ATP8A2: variants seen among roughly 807,000 people sequenced by gnomAD.
ATP8A2 encodes the protein ATPase phospholipid transporting 8A2.
ATP8A2 carries 100 observed loss-of-function variants against 165.6 expected under a neutral mutation model. That is an observed-to-expected ratio of 0.60 (90% CI 0.51 to 0.71). ATP8A2 has a LOEUF of 0.71. ATP8A2 is among the 30% of genes least tolerant of loss of function. ATP8A2 has a pLI of 0.00. For synonymous variants in ATP8A2, 543 were observed against 548.8 expected, an observed-to-expected ratio of 0.99 and a Z score of 0.15; for missense variants, 1,227 against 1,479.5, an observed-to-expected ratio of 0.83 and a Z score of 2.80.
Position 25,699,209 on chromosome 13 carries a change from C to T in ATP8A2, c.2248C>T (p.Leu750Phe). 1.2e-6 allele frequency: 2 copies of T among 1,612,136 alleles called. No homozygotes were observed. Among genetic ancestry groups the T allele is most frequent in the Non-Finnish European group, 1.7e-6 (2 of 1,178,998 alleles). Residue 750 changes from leucine (L) to phenylalanine (F), a missense_variant, in exon 25 of 37, where the codon CTT becomes TTT. By Grantham distance (22) the Leu-to-Phe change is conservative. Coordinates refer to ENST00000381655, the MANE Select transcript of ATP8A2 (RefSeq NM_016529.6). ...AGCCATTACTCAGCACTGCACTGAC[C>T]TTGGGAATTTGCTGGGCAAGGAAAA... ...RAAITQHCTD[L>F]GNLLGKENDV...
chr13:25,372,568 G>GC lies in ATP8A2; in HGVS notation c.76+280_76+281insC, dbSNP rs1491016129. 2.0e-5 allele frequency among the ~76,000 whole-genome samples: 3 copies of GC among 152,108 alleles called. No homozygotes were observed. Among genetic ancestry groups the GC allele is most frequent in the East Asian group, 3.9e-4 (2 of 5,170 alleles). The stretch of plus-strand genomic sequence containing the variant: ...TGTACAGATGTGTGTGTGTGTGTGC[G>GC]GCCTCCCTGTGCGCGTGCCCGTGCG... On this transcript the variant is annotated intron_variant, in intron 1 of 36. Transcript: ENST00000381655. This position sits in a 1 kb window ranked among gnomAD's most constrained non-coding sequence, Gnocchi z 4.8.
chr13:25,549,476 A>G (rs1230597593), intron 10 of ATP8A2, among the ~76,000 whole-genome samples: 1 of 150,410 alleles, frequency 6.6e-6, no homozygotes, highest in African/African-American at 2.4e-5. Flanking sequence ...AAAAAAAAAA[A>G]GCCTGGGCCC....
At chr13:25,421,623 C>T (rs1304362626) in intron 1 of ATP8A2, among the ~76,000 whole-genome samples, 2 of 152,198 alleles carry the variant, frequency 1.3e-5, no homozygotes, top group East Asian at 1.9e-4. Flanking sequence ...GGTGAAACAC[C>T]GTGCCTGGCC....
chr13:25,672,908 A>G (rs897001911), intron 24 of ATP8A2, among the ~76,000 whole-genome samples: 7 of 152,314 alleles, frequency 4.6e-5, no homozygotes, highest in Admixed American at 3.9e-4. Context: ...GGGAGTGGGC[A>G]GGCTTTGGTG....
chr13:25,532,184 C>A, intron 4 of ATP8A2, 88 bp from the exon 5 acceptor site: 1 of 1,047,382 alleles, frequency 9.5e-7, no homozygotes, highest in Non-Finnish European at 1.5e-6. Flanking sequence ...TCCTTGTCCC[C>A]TGTAATTTCC....
chr13:25,759,879 A>G lies in ATP8A2; in HGVS notation c.2385-9167A>G, dbSNP rs189070641. Among the ~76,000 whole-genome samples, 3 of 152,312 alleles carry G rather than the reference A, an allele frequency of 2.0e-5. No homozygotes were observed. The East Asian group carries it at 5.8e-4, about 29-fold the overall frequency. ...CTTAATACATTCCACATCATTTAGT[A>G]GAGATGTCAGGTTTTCAGAAGCTAG... is the stretch of plus-strand genomic sequence containing the variant. On this transcript the variant is annotated intron_variant, in intron 25 of 36. Coordinates refer to ENST00000381655, the MANE Select transcript of ATP8A2 (RefSeq NM_016529.6).
At chr13:25,881,225 A>G (rs1209623030) in intron 33 of ATP8A2, among the ~76,000 whole-genome samples, 3 of 152,148 alleles carry the variant, frequency 2.0e-5, no homozygotes, top group African/African-American at 7.2e-5. Flanking sequence ...TAGCAAAGCT[A>G]TACAATGTGT....
chr13:25,421,958 A>G (rs909684592), intron 1 of ATP8A2, among the ~76,000 whole-genome samples: 1 of 152,106 alleles, frequency 6.6e-6, no homozygotes, highest in African/African-American at 2.4e-5. Context: ...TTTCCATATC[A>G]TGCAGTACCT....
chr13:25,397,317 C>T (rs958912358), intron 1 of ATP8A2, among the ~76,000 whole-genome samples: 5 of 152,178 alleles, frequency 3.3e-5, no homozygotes, highest in Admixed American at 3.3e-4. Flanking sequence ...TTATCAAAAC[C>T]ATCAATATAC....
At chr13:25,675,169 A>G (rs2042347100) in intron 24 of ATP8A2, among the ~76,000 whole-genome samples, 1 of 152,188 alleles carries the variant, frequency 6.6e-6, no homozygotes, top group African/African-American at 2.4e-5. Flanking sequence ...GGGCCCTAGT[A>G]GTGCAGAATT....
At chr13:25,531,457 T>TTATATATATGATTA (rs1566230800) in intron 4 of ATP8A2, among the ~76,000 whole-genome samples, 16 of 31,454 alleles carry the variant, frequency 5.1e-4, no homozygotes, top group African/African-American at 2.0e-3. Flanking sequence ...ATATATATGA[T>TTATATATATGATTA]TATATATATG....
chr13:25,855,739 T>C (rs1348153191), intron 30 of ATP8A2, among the ~76,000 whole-genome samples: 1 of 152,202 alleles, frequency 6.6e-6, no homozygotes, highest in Non-Finnish European at 1.5e-5. Context: ...AGGAACTGCC[T>C]CACAGTTTTC....
At chr13:25,390,525 A>G (rs976703961) in intron 1 of ATP8A2, among the ~76,000 whole-genome samples, 1 of 151,804 alleles carries the variant, frequency 6.6e-6, no homozygotes, top group East Asian at 1.9e-4. Flanking sequence ...CCTATTTACC[A>G]CTGATCTGAT....
chr13:25,555,376 G>A (rs551603205), intron 13 of ATP8A2, among the ~76,000 whole-genome samples: 4 of 152,172 alleles, frequency 2.6e-5, no homozygotes, highest in Admixed American at 1.3e-4. Flanking sequence ...AGCAAATAAC[G>A]GGGAAAACGA....
At chr13:25,513,122 G>A (rs78312593) in intron 2 of ATP8A2, among the ~76,000 whole-genome samples, 5 of 150,930 alleles carry the variant, frequency 3.3e-5, no homozygotes, top group South Asian at 4.2e-4. Context: ...CTTCCCAGAC[G>A]GGGTGGCTGC....
intron 35 of ATP8A2, among the ~76,000 whole-genome samples, chr13:25,974,802 T>G (rs1411512673): frequency 2.0e-5 from 3 of 152,180 alleles, no homozygotes; most frequent in African/African-American, 7.2e-5. Context: ...GGGTGCCAGG[T>G]CTCGGCGTCT....
At chr13:25,799,655 C>T (rs1468026915) in intron 27 of ATP8A2, among the ~76,000 whole-genome samples, 8 of 152,178 alleles carry the variant, frequency 5.3e-5, no homozygotes, top group South Asian at 2.1e-4. Flanking sequence ...GCCTTGCCTC[C>T]GTCCCTGAGT....
intron 4 of ATP8A2, 119 bp from the exon 5 acceptor site, chr13:25,532,153 G>T: frequency 1.3e-6 from 1 of 768,300 alleles, no homozygotes; most frequent in South Asian, 1.7e-5. Context: ...TTTACAGCAT[G>T]AGCATTATTG....
chr13:25,848,752 C>T lies in ATP8A2; in HGVS notation c.2956+9128C>T, dbSNP rs191608197. On this transcript the variant is annotated intron_variant, in intron 30 of 36. Transcript: ENST00000381655. ...ACCCTGCTTTTTATAAAGCAACCTC[C>T]GATACTTTATACTACTTTTTACGGG... Among the ~76,000 whole-genome samples the T allele has an allele frequency of 3.4e-3, 521 of 152,130 alleles. 2 individuals are homozygous for T. The highest frequency in any genetic ancestry group is 0.012 in the African/African-American group (484 of 41,472).
Sources: gnomAD v4.1 joint callset for allele counts (sites outside exome capture counted in the v4.1 genomes callset) on GRCh38, gnomAD v4.1.1 for gene constraint, Gnocchi (gnomAD v3.1) non-coding constraint, MANE v1.5 for transcripts, NCBI Gene and HGNC (gene_info 2026-07-23, HGNC 2026-07-21) for gene names.